Variants in BRAF observed in about 807,000 individuals in gnomAD.
BRAF encodes the protein serine/threonine-protein kinase B-raf.
A neutral mutation model predicts 104.6 loss-of-function variants in BRAF; 16 were observed. The ratio of observed to expected loss-of-function variants is 0.15; its 90% CI spans 0.10 to 0.23. BRAF has a LOEUF of 0.23. Among genes scored for constraint, BRAF ranks in the 10% least tolerant of loss-of-function variants. The pLI, the probability that BRAF is intolerant of heterozygous loss-of-function variation, is 1.00. For synonymous variants in BRAF, 310 were observed against 341.6 expected, an observed-to-expected ratio of 0.91 and a Z score of 1.02; for missense variants, 541 against 937.3, an observed-to-expected ratio of 0.58 and a Z score of 5.52.
Position 140,724,244 on chromosome 7 carries a change from C to T in BRAF, c.*2250G>A. On this transcript the variant is annotated 3_prime_UTR_variant, in exon 20 of 20. Transcript: ENST00000644969. ...GAGGCAGTCCCGGACCCAGGCTGCA[C>T]ATGTTCTACCTCCTCAGCAGGACAT... is the stretch of plus-strand genomic sequence containing the variant. The T allele has an allele frequency of 9.4e-7, 1 of 1,059,372 alleles. No individual in the cohort carries two copies. The highest frequency in any genetic ancestry group is 1.1e-6 in the Non-Finnish European group (1 of 875,550). The allele number at this position is 1,059,372 out of a possible 1,614,324, so 65.6% of individuals were successfully genotyped here.
intron 2 of BRAF, among the ~76,000 whole-genome samples, chr7:140,838,862 G>C (rs899427157): frequency 1.3e-5 from 2 of 152,196 alleles, no homozygotes; most frequent in African/African-American, 4.8e-5. Flanking sequence ...GACTTCCAAT[G>C]CATGAAGGGT....
intron 3 of BRAF, among the ~76,000 whole-genome samples, chr7:140,820,723 T>C (rs933286255): frequency 2.0e-4 from 31 of 152,158 alleles, no homozygotes; most frequent in African/African-American, 6.7e-4. Flanking sequence ...GAGGATTGCT[T>C]GAGCCCAAGA....
Position 140,895,920 on chromosome 7 carries a change from T to A in BRAF, c.138+28646A>T, listed in dbSNP as rs189193319. 7.2e-4 allele frequency among the ~76,000 whole-genome samples: 109 copies of A among 152,306 alleles called. 1 individual carries two copies. The highest frequency in any genetic ancestry group is 1.5e-3 in the Admixed American group (23 of 15,300). ...TGTCTCTTCGACGTACTGACTTCCC[T>A]TCCTTTGGGTAAACGGCCAGTAGTG... On this transcript the variant is annotated intron_variant, in intron 1 of 19. Transcript: ENST00000644969.
Position 140,723,466 on chromosome 7 carries a change from G to C in BRAF, c.*3028C>G, listed in dbSNP as rs1795424618. On this transcript the variant is annotated 3_prime_UTR_variant, in exon 20 of 20. Transcript: ENST00000644969. ...ATACAATCAGGGGTGAGATATTCGG[G>C]AACCAGAATTTGACAGCTAGACAGA... is the stretch of plus-strand genomic sequence containing the variant. 9.5e-7 allele frequency: 1 copy of C among 1,053,610 alleles called. No individual in the cohort carries two copies. Among genetic ancestry groups the C allele is most frequent in the African/African-American group, 1.7e-5 (1 of 60,226 alleles). The allele number at this position is 1,053,610 out of a possible 1,614,324, so 65.3% of individuals were successfully genotyped here. A position where few individuals can be genotyped will look rare whatever the true frequency, so the allele number is the denominator to read the frequency against.
chr7:140,801,217 C>G (rs1803074802), intron 6 of BRAF, 195 bp downstream of exon 6: 3 of 607,262 alleles, frequency 4.9e-6, no homozygotes, highest in Non-Finnish European at 8.6e-6. Flanking sequence ...AACTGTATAG[C>G]TGAACCAGCA....
chr7:140,875,622 C>T (rs1346822007), intron 1 of BRAF, among the ~76,000 whole-genome samples: 3 of 152,236 alleles, frequency 2.0e-5, no homozygotes, highest in Non-Finnish European at 2.9e-5. Flanking sequence ...CGGTGATCCA[C>T]CCGCCTCGGC....
At chr7:140,718,701 C>T (rs959112432), downstream of BRAF, among the ~76,000 whole-genome samples, 2 of 152,180 alleles carry the variant, frequency 1.3e-5, no homozygotes, top group Admixed American at 6.5e-5. Context: ...AGTTTTAAAA[C>T]GGTTTACTTC....
At chr7:140,815,432 A>ACTGCAAC (rs1804771498) in intron 3 of BRAF, among the ~76,000 whole-genome samples, 3 of 111,874 alleles carry the variant, frequency 2.7e-5, no homozygotes, top group Middle Eastern at 4.7e-3. Context: ...GGTGTGAGCC[A>ACTGCAAC]TTTTTTTTTT....
intron 18 of BRAF, among the ~76,000 whole-genome samples, chr7:140,736,953 G>A (rs1196844001): frequency 6.6e-6 from 1 of 152,024 alleles, no homozygotes; most frequent in Non-Finnish European, 1.5e-5. Flanking sequence ...AGGAGGCTGA[G>A]GTGAGAGGAT....
intron 16 of BRAF, among the ~76,000 whole-genome samples, chr7:140,752,596 T>C (rs1797877731): frequency 1.3e-5 from 2 of 152,142 alleles, no homozygotes; most frequent in South Asian, 4.2e-4. Context: ...GAACTTCTCT[T>C]TCTTCTTTTC....
intron 3 of BRAF, among the ~76,000 whole-genome samples, chr7:140,809,967 C>A (rs1271773285): frequency 6.6e-6 from 1 of 152,142 alleles, no homozygotes; most frequent in Non-Finnish European, 1.5e-5. Context: ...TTACTTGGAA[C>A]TGAAGGTGTA....
chr7:140,850,362 T>A (rs1329099521), intron 1 of BRAF, 150 bp from the exon 2 acceptor site: 1 of 591,692 alleles, frequency 1.7e-6, no homozygotes, highest in Non-Finnish European at 2.9e-6. Context: ...TTCTCTTTTA[T>A]TATGAAACAT....
At chr7:140,903,391 TA>T (rs1377094823) in intron 1 of BRAF, among the ~76,000 whole-genome samples, 2 of 152,236 alleles carry the variant, frequency 1.3e-5, no homozygotes, top group African/African-American at 4.8e-5. Context: ...CATATTCTTT[TA>T]CAACATAGTT....
chr7:140,792,208 T>TAAA lies in BRAF; in HGVS notation c.1140+2099_1140+2100insTTT, dbSNP rs1409263362. 5.3e-5 allele frequency among the ~76,000 whole-genome samples: 8 copies of TAAA among 152,296 alleles called. No homozygotes were observed. In the East Asian group the frequency reaches 1.4e-3, roughly 26 times the overall value. ...CTATTACTTGAGTTTAAATATCATT[T>TAAA]CTTGTCTGAAATACTGTAAAAACCA... On this transcript the variant is annotated intron_variant, in intron 8 of 19. Transcript: ENST00000644969.
At chr7:140,766,815 G>A (rs1015059549) in intron 14 of BRAF, among the ~76,000 whole-genome samples, 1 of 152,000 alleles carries the variant, frequency 6.6e-6, no homozygotes, top group Non-Finnish European at 1.5e-5. Context: ...CTCCTAAAGT[G>A]CTTGGATTAC....
chr7:140,762,210 T>A (rs887854172), intron 14 of BRAF, among the ~76,000 whole-genome samples: 7 of 152,116 alleles, frequency 4.6e-5, no homozygotes, highest in South Asian at 2.1e-4. Context: ...CAGTGCAATC[T>A]AACTAGAACT....
chr7:140,732,415 C>T (rs1024452898), intron 19 of BRAF: 1 of 151,948 alleles, frequency 6.6e-6, no homozygotes, highest in African/African-American at 2.4e-5. Flanking sequence ...TACAATTAAA[C>T]CTGAAAGGGA....
intron 1 of BRAF, among the ~76,000 whole-genome samples, chr7:140,905,227 T>TA (rs1428730843): frequency 6.6e-6 from 1 of 152,236 alleles, no homozygotes; most frequent in Non-Finnish European, 1.5e-5. Context: ...ACCAGTTACT[T>TA]AAAGAGCTGT....
intron 17 of BRAF, among the ~76,000 whole-genome samples, chr7:140,743,658 G>A (rs1434206306): frequency 6.6e-6 from 1 of 151,624 alleles, no homozygotes; most frequent in Non-Finnish European, 1.5e-5. Flanking sequence ...CACCAGCATG[G>A]CACATGTATA....
Sources: allele counts gnomAD v4.1 joint callset (sites outside exome capture counted in the v4.1 genomes callset), GRCh38; gene constraint gnomAD v4.1.1; transcripts MANE v1.5; gene names NCBI Gene and HGNC (gene_info 2026-07-23, HGNC 2026-07-21).